Variants in ANKRD36C observed in about 807,000 individuals in gnomAD.
ANKRD36C encodes ankyrin repeat domain 36C.
ANKRD36C carries 61 observed loss-of-function variants against 276.4 expected under a neutral mutation model. The observed-to-expected ratio is 0.22, with a 90% CI of 0.18 to 0.27. The LOEUF (loss-of-function observed/expected upper bound fraction) is 0.27. Among genes scored for constraint, ANKRD36C ranks in the 10% least tolerant of loss-of-function variants. The pLI is 1.00. For synonymous variants in ANKRD36C, 483 were observed against 680.1 expected, an observed-to-expected ratio of 0.71 and a Z score of 4.51; for missense variants, 1,447 against 2,032.3, an observed-to-expected ratio of 0.71 and a Z score of 5.54.
chr2:95,902,204 C>T (rs1676674281), intron 42 of ANKRD36C, among the ~76,000 whole-genome samples: 1 of 149,496 alleles, frequency 6.7e-6, no homozygotes, highest in Non-Finnish European at 1.5e-5. Context: ...AAACATGTAT[C>T]TCTGATGCCT....
intron 46 of ANKRD36C, among the ~76,000 whole-genome samples, chr2:95,891,054 TC>T (rs1320750082): frequency 2.0e-5 from 3 of 151,500 alleles, no homozygotes; most frequent in Non-Finnish European, 4.4e-5. Flanking sequence ...TACCATTGTT[TC>T]CTGCTTCCAG....
exon 63 of ANKRD36C, chr2:95,855,417 T>C: frequency 3.7e-6 from 6 of 1,613,490 alleles, no homozygotes; most frequent in Non-Finnish European, 5.1e-6. Context: ...ACATCTGGCT[T>C]GAATATTAAG....
chr2:95,890,082 T>A, intron 46 of ANKRD36C, 88 bp from the exon 67 acceptor site: 2 of 1,497,600 alleles, frequency 1.3e-6, no homozygotes, highest in Non-Finnish European at 1.8e-6. Flanking sequence ...TCAATCTCTG[T>A]CCTCCTGCCT....
At chr2:95,976,036 C>G (rs903982305) in intron 6 of ANKRD36C, among the ~76,000 whole-genome samples, 2 of 152,174 alleles carry the variant, frequency 1.3e-5, no homozygotes, top group Non-Finnish European at 2.9e-5. Flanking sequence ...AAATGCTCAT[C>G]ATCACTGGCC....
chr2:95,973,501 G>T (rs1245066193), intron 6 of ANKRD36C, among the ~76,000 whole-genome samples: 1 of 152,186 alleles, frequency 6.6e-6, no homozygotes, highest in African/African-American at 2.4e-5. Context: ...TGTAGCCATT[G>T]GCTATAATAC....
At chr2:95,902,425 C>A (rs1676680938) in intron 42 of ANKRD36C, among the ~76,000 whole-genome samples, 1 of 150,436 alleles carries the variant, frequency 6.6e-6, no homozygotes, top group African/African-American at 2.4e-5. Context: ...TCCTGCCTCA[C>A]AATCCGTCTC....
chr2:95,902,597 G>A (rs1236328245), intron 42 of ANKRD36C, among the ~76,000 whole-genome samples: 2 of 150,014 alleles, frequency 1.3e-5, no homozygotes, highest in South Asian at 4.2e-4. Flanking sequence ...AAAACAAGCT[G>A]GAGAATTAAA....
At chr2:95,914,674 C>T (rs989751239) in intron 38 of ANKRD36C, among the ~76,000 whole-genome samples, 24 of 151,460 alleles carry the variant, frequency 1.6e-4, no homozygotes, top group African/African-American at 4.4e-4. Flanking sequence ...TCCCACATGT[C>T]TTTCACACAG....
At chr2:95,927,474 T>C in intron 26 of ANKRD36C, 65 bp from the exon 27 acceptor site, 3 of 1,599,270 alleles carry the variant, frequency 1.9e-6, no homozygotes, top group African/African-American at 1.3e-5. Flanking sequence ...CATACATTCA[T>C]GAAGTGTTAG....
chr2:95,896,033 A>G (rs1477044505), intron 44 of ANKRD36C, among the ~76,000 whole-genome samples: 2 of 147,316 alleles, frequency 1.4e-5, no homozygotes, highest in Admixed American at 6.8e-5. Flanking sequence ...AACTTGCCCA[A>G]TAACTGAGAA....
At chr2:95,985,859 A>G (rs972803223) in intron 3 of ANKRD36C, among the ~76,000 whole-genome samples, 8 of 152,116 alleles carry the variant, frequency 5.3e-5, no homozygotes, top group African/African-American at 1.7e-4. Context: ...TTTACTATTT[A>G]TAAGCTCCGT....
At chr2:95,853,150 C>T (rs552771160) in intron 64 of ANKRD36C, 1 of 153,902 alleles carries the variant, frequency 6.5e-6, no homozygotes, top group South Asian at 2.0e-4. Context: ...GAGCCCAATA[C>T]AAAAGGAGTA....
chr2:95,954,403 A>T (rs1423030289), intron 13 of ANKRD36C, among the ~76,000 whole-genome samples: 1 of 152,174 alleles, frequency 6.6e-6, no homozygotes, highest in Non-Finnish European at 1.5e-5. Flanking sequence ...TCAACCTGAT[A>T]ACCTAAAACA....
rs1243148662 is a variant in ANKRD36C, at chr2:95,991,752, G to T, written c.-44C>A. ...GTAGCCTGCAGCCGTATTTCAGCTC[G>T]CCTTCGGGGATCGCCGCCTCCGAAG... On this transcript the variant is annotated 5_prime_UTR_variant, in exon 1 of 67. Coordinates refer to ENST00000456556, the Ensembl canonical transcript of ANKRD36C. The T allele has an allele frequency of 1.9e-6, 3 of 1,592,044 alleles. No individual in the cohort carries two copies. The South Asian group carries it at 3.3e-5, about 18-fold the overall frequency.
intron 60 of ANKRD36C, among the ~76,000 whole-genome samples, chr2:95,863,072 T>G (rs998570004): frequency 6.6e-6 from 1 of 151,898 alleles, no homozygotes; most frequent in Non-Finnish European, 1.5e-5. Context: ...CTTGAGGAGC[T>G]CAATAAATGT....
chr2:95,855,863 T>G lies in ANKRD36C; in HGVS notation c.4398A>C (p.Ser1466=), dbSNP rs1573718022. Residue 1466 remains serine, a synonymous_variant, in exon 63 of 67, where the codon TCA becomes TCC. Coordinates refer to ENST00000456556, the Ensembl canonical transcript of ANKRD36C. ...GAGCAGCATTCAGTCTACAACGGTA[T>G]GATTGCATTTCTGTTTCCAGTCTTT... The G allele has an allele frequency of 3.7e-6, 6 of 1,613,806 alleles. No homozygotes were observed. The East Asian group carries it at 1.1e-4, about 30-fold the overall frequency.
At chr2:95,964,344 C>T (rs1209261537) in intron 6 of ANKRD36C, among the ~76,000 whole-genome samples, 1 of 151,802 alleles carries the variant, frequency 6.6e-6, no homozygotes, top group African/African-American at 2.4e-5. Context: ...AGTGACTCCC[C>T]AAAGTCTCCT....
chr2:95,880,649 C>T, intron 56 of ANKRD36C, 26 bp from the exon 77 acceptor site: 1 of 1,515,918 alleles, frequency 6.6e-7, no homozygotes, highest in Non-Finnish European at 9.0e-7. Context: ...AATATATAAT[C>T]AATCATATGT....
exon 1 of ANKRD36C, chr2:95,991,548 G>A: frequency 6.2e-7 from 1 of 1,612,270 alleles, no homozygotes; most frequent in Non-Finnish European, 8.5e-7. Context: ...GTCATAACGC[G>A]TGAGCAGAAC....
Sources: allele counts gnomAD v4.1 joint callset (sites outside exome capture counted in the v4.1 genomes callset), GRCh38; gene constraint gnomAD v4.1.1; transcripts MANE v1.5; gene names NCBI Gene and HGNC (gene_info 2026-07-23, HGNC 2026-07-21).